RNF175: variants seen among roughly 807,000 people sequenced by gnomAD.
RNF175 encodes ring finger protein 175.
In RNF175, 38 loss-of-function variants were observed where a neutral mutation model predicts 50.0. The observed-to-expected ratio is 0.76, with a 90% CI of 0.59 to 1.00. The LOEUF (loss-of-function observed/expected upper bound fraction) is 1.00. Ranked by LOEUF, RNF175 falls within the 50% of genes least tolerant of loss-of-function variation. The pLI is 0.00. For synonymous variants in RNF175, 155 were observed against 146.1 expected (o/e 1.06, Z -0.44); for missense variants, 388 against 409.6 (o/e 0.95, Z 0.46).
chr4:153,718,222 G>GT (rs1460898288), intron 6 of RNF175, among the ~76,000 whole-genome samples: 4,340 of 37,046 alleles, frequency 0.12, 399 homozygotes, highest in African/African-American at 0.18. Flanking sequence ...TTTTTTGTTT[G>GT]TTTGTTTGTT....
intron 8 of RNF175, among the ~76,000 whole-genome samples, chr4:153,712,233 C>G (rs1464727869): frequency 1.3e-5 from 2 of 152,072 alleles, no homozygotes; most frequent in African/African-American, 4.8e-5. Context: ...CACTACAGCC[C>G]TTAATGTGGA....
At chr4:153,710,856 C>G (rs1737523660) in intron 8 of RNF175, among the ~76,000 whole-genome samples, 1 of 152,144 alleles carries the variant, frequency 6.6e-6, no homozygotes, top group South Asian at 2.1e-4. Flanking sequence ...TTCCTGTAGT[C>G]ATACATTAGA....
At chr4:153,759,321 T>C (rs1258658537) in intron 1 of RNF175, among the ~76,000 whole-genome samples, 1 of 151,982 alleles carries the variant, frequency 6.6e-6, no homozygotes, top group Non-Finnish European at 1.5e-5. Flanking sequence ...GCCCTCCGAG[T>C]GATTCTGATG....
intron 6 of RNF175, among the ~76,000 whole-genome samples, chr4:153,719,383 T>G (rs1317244062): frequency 6.6e-6 from 1 of 152,236 alleles, no homozygotes; most frequent in African/African-American, 2.4e-5. Context: ...GTCTTTGCTT[T>G]ACACTGATTT....
chr4:153,737,330 T>C (rs766983695), intron 3 of RNF175, among the ~76,000 whole-genome samples: 10 of 152,096 alleles, frequency 6.6e-5, no homozygotes, highest in Admixed American at 2.0e-4. Flanking sequence ...CCAAAATTTA[T>C]ATTATTTATT....
At chr4:153,755,091 AGGCAG>A (rs1171443836) in intron 1 of RNF175, among the ~76,000 whole-genome samples, 11 of 152,260 alleles carry the variant, frequency 7.2e-5, no homozygotes, top group Admixed American at 2.6e-4. Context: ...GTGGACCTGC[AGGCAG>A]GGCTGTAAGA....
At chr4:153,758,005 C>T (rs1579113731) in intron 1 of RNF175, among the ~76,000 whole-genome samples, 1 of 152,084 alleles carries the variant, frequency 6.6e-6, no homozygotes, top group Admixed American at 6.6e-5. Context: ...AATACAGGAG[C>T]GAGCAAGGCA....
chr4:153,724,085 C>T (rs1257029761), intron 4 of RNF175, among the ~76,000 whole-genome samples: 1 of 152,124 alleles, frequency 6.6e-6, no homozygotes, highest in African/African-American at 2.4e-5. Flanking sequence ...ACCCCAGCAC[C>T]CTCTGTGACC....
intron 4 of RNF175, chr4:153,727,723 G>C (rs949966081): frequency 6.6e-6 from 1 of 152,238 alleles, no homozygotes; most frequent in Non-Finnish European, 1.5e-5. Context: ...ATCTTTGGAA[G>C]CTGACAATGG....
At chr4:153,721,293 G>A (rs1362676736) in intron 5 of RNF175, 1 of 152,146 alleles carries the variant, frequency 6.6e-6, no homozygotes, top group Non-Finnish European at 1.5e-5. Flanking sequence ...GTGACCCTTG[G>A]TGGTTCTGAT....
chr4:153,741,956 G>C (rs988627010), intron 3 of RNF175, among the ~76,000 whole-genome samples: 1 of 152,064 alleles, frequency 6.6e-6, no homozygotes. Context: ...ATCAGCCCAG[G>C]AAAATGTCCT....
chr4:153,752,602 C>T lies in RNF175; in HGVS notation c.67-1127G>A, dbSNP rs541560522. Among the ~76,000 whole-genome samples the T allele has an allele frequency of 6.9e-4, 105 of 152,226 alleles. 1 individual carries two copies. The highest frequency in any genetic ancestry group is 2.5e-3 in the African/African-American group (102 of 41,538). On this transcript the variant is annotated intron_variant, in intron 1 of 8. Transcript: ENST00000347063. ...AGTACTAGAAGAAAACATGGGTAAA[C>T]ATGTTTATAATTCTGCAGTGGAAAA...
chr4:153,731,889 G>C (rs1739057876), intron 3 of RNF175, among the ~76,000 whole-genome samples: 1 of 152,052 alleles, frequency 6.6e-6, no homozygotes, highest in Non-Finnish European at 1.5e-5. Flanking sequence ...AAACAATGCT[G>C]CTATTAGTAA....
chr4:153,739,427 A>AAAAG (rs534271999), intron 3 of RNF175, among the ~76,000 whole-genome samples: 53 of 152,112 alleles, frequency 3.5e-4, no homozygotes, highest in African/African-American at 1.0e-3. Context: ...AATAAAAAAT[A>AAAAG]AAAGAAAGAA....
intron 5 of RNF175, chr4:153,720,606 G>C: frequency 3.7e-6 from 1 of 268,818 alleles, no homozygotes; most frequent in Non-Finnish European, 7.4e-6. Flanking sequence ...GCTATACGTA[G>C]GCCTCAGCAG....
intron 4 of RNF175, among the ~76,000 whole-genome samples, chr4:153,723,778 C>T (rs1738500221): frequency 6.6e-6 from 1 of 152,164 alleles, no homozygotes; most frequent in South Asian, 2.1e-4. Context: ...CCCCACAGCG[C>T]CCCCTTCTCA....
rs1354516932 is a variant in RNF175, at chr4:153,738,450, G to A, written c.247-10089C>T. The stretch of plus-strand genomic sequence containing the variant: ...TCCTCCTACCTTGGGCTCTCAAAGT[G>A]CTGGAATTACAGGCATGAGCCACTG... On this transcript the variant is annotated intron_variant, in intron 3 of 8. Transcript: ENST00000347063. 4.0e-5 allele frequency among the ~76,000 whole-genome samples: 6 copies of A among 151,886 alleles called. No homozygotes were observed. The East Asian group carries it at 1.2e-3, about 29-fold the overall frequency.
At position 153,712,543 on chromosome 4, in the gene RNF175, G is replaced by A. The variant is rs776727148; in HGVS notation, c.798C>T (p.Ile266=). Residue 266 remains isoleucine (I), a synonymous_variant, in exon 8 of 9, where the codon ATC becomes ATT. Coordinates refer to ENST00000347063, the MANE Select transcript of RNF175 (RefSeq NM_173662.4). The part of the protein sequence containing the change: ...FHEFCIRGWC[I]VGKKQTCPYC... ...AAGGGCAAGTCTGCTTTTTCCCAAC[G>A]ATACACCAACCTCGGATGCAGAATT... The A allele has an allele frequency of 8.1e-6, 13 of 1,612,838 alleles. No individual in the cohort carries two copies. Among genetic ancestry groups the A allele is most frequent in the Middle Eastern group, 1.6e-4 (1 of 6,084 alleles).
chr4:153,754,043 G>A (rs375287733), intron 1 of RNF175, among the ~76,000 whole-genome samples: 103 of 151,664 alleles, frequency 6.8e-4, no homozygotes, highest in African/African-American at 2.3e-3. Context: ...GGTTGTAGGC[G>A]CCTGTAGTCC....
Sources: gnomAD v4.1 joint callset for allele counts (sites outside exome capture counted in the v4.1 genomes callset) on GRCh38, gnomAD v4.1.1 for gene constraint, MANE v1.5 for transcripts, NCBI Gene and HGNC (gene_info 2026-07-23, HGNC 2026-07-21) for gene names.